INSYN2A: variants seen among roughly 807,000 people sequenced by gnomAD.
INSYN2A encodes the protein family with sequence similarity 196 member A.
In INSYN2A, 17 loss-of-function variants were observed where a neutral mutation model predicts 39.4. The ratio of observed to expected loss-of-function variants is 0.43; its 90% CI spans 0.30 to 0.65. The LOEUF is 0.65. Among genes scored for constraint, INSYN2A ranks in the 30% least tolerant of loss-of-function variants. The pLI is 0.14. For synonymous variants in INSYN2A, 255 were observed against 265.7 expected, an observed-to-expected ratio of 0.96 and a Z score of 0.39; for missense variants, 595 against 631.2, an observed-to-expected ratio of 0.94 and a Z score of 0.61.
intron 5 of INSYN2A, among the ~76,000 whole-genome samples, chr10:127,146,799 C>G (rs2051903708): frequency 6.6e-6 from 1 of 152,206 alleles, no homozygotes; most frequent in South Asian, 2.1e-4. Context: ...GCAGAGACTC[C>G]ACTCCAAGTG....
chr10:127,172,878 C>T (rs538719034), intron 4 of INSYN2A, among the ~76,000 whole-genome samples: 10 of 152,260 alleles, frequency 6.6e-5, no homozygotes, highest in Non-Finnish European at 1.2e-4. Context: ...GGAAATGTTC[C>T]GTAGCTGCAC....
intron 5 of INSYN2A, among the ~76,000 whole-genome samples, chr10:127,141,679 A>C (rs934539897): frequency 2.8e-4 from 42 of 149,652 alleles, no homozygotes; most frequent in African/African-American, 9.2e-4. Flanking sequence ...TTTAAAACAA[A>C]AAAAAAAAAA....
chr10:127,195,531 C>A lies in INSYN2A; in HGVS notation c.-395+466G>T, dbSNP rs185602266. ...CCCTCTGTTCCAACTCATCCCCCCC[C>A]CGAAGTTAATCAGCCGTACTTGTAC... On this transcript the variant is annotated intron_variant, in intron 1 of 5. Coordinates refer to ENST00000522781, the MANE Select transcript of INSYN2A (RefSeq NM_001039762.3). Among the ~76,000 whole-genome samples, 13 of 152,110 alleles carry A rather than the reference C, an allele frequency of 8.5e-5. No individual in the cohort carries two copies. The South Asian group carries it at 1.3e-3, about 15-fold the overall frequency.
intron 4 of INSYN2A, among the ~76,000 whole-genome samples, chr10:127,174,131 T>C (rs1009614103): frequency 2.0e-5 from 3 of 152,252 alleles, no homozygotes; most frequent in Admixed American, 6.5e-5. Flanking sequence ...CAGGTGGTTT[T>C]CTGTCCTGGA....
At chr10:127,195,811 C>T (rs1367183227) in intron 1 of INSYN2A, among the ~76,000 whole-genome samples, 186 bp downstream of exon 1, 1 of 152,152 alleles carries the variant, frequency 6.6e-6, no homozygotes, top group Non-Finnish European at 1.5e-5. Flanking sequence ...GCGACCGCAC[C>T]GGGTCCGCTC....
intron 2 of INSYN2A, among the ~76,000 whole-genome samples, chr10:127,181,485 C>A (rs1467910125): frequency 1.3e-5 from 2 of 152,138 alleles, no homozygotes; most frequent in Non-Finnish European, 2.9e-5. Flanking sequence ...GACCGAGACA[C>A]CTCCCAGGGC....
chr10:127,171,161 C>G (rs1408742465), intron 4 of INSYN2A, among the ~76,000 whole-genome samples: 1 of 152,156 alleles, frequency 6.6e-6, no homozygotes, highest in Non-Finnish European at 1.5e-5. Context: ...CATAAACATT[C>G]TCTGCCGAAG....
At chr10:127,151,571 G>A (rs1165342985) in intron 5 of INSYN2A, among the ~76,000 whole-genome samples, 2 of 152,134 alleles carry the variant, frequency 1.3e-5, no homozygotes, top group Non-Finnish European at 2.9e-5. Flanking sequence ...GTGACAGTCG[G>A]GTCTGCAGGC....
chr10:127,166,538 G>T (rs1026086219), intron 4 of INSYN2A, among the ~76,000 whole-genome samples: 2 of 152,148 alleles, frequency 1.3e-5, no homozygotes, highest in African/African-American at 4.8e-5. Context: ...CTTCCTCATG[G>T]AGGGCATTCC....
At chr10:127,188,207 C>A (rs2056454163) in intron 2 of INSYN2A, among the ~76,000 whole-genome samples, 1 of 152,136 alleles carries the variant, frequency 6.6e-6, no homozygotes, top group Non-Finnish European at 1.5e-5. Flanking sequence ...CTGGGCTGTG[C>A]TGTGCACAAA....
At chr10:127,142,176 G>T (rs2051324124) in intron 5 of INSYN2A, among the ~76,000 whole-genome samples, 1 of 152,214 alleles carries the variant, frequency 6.6e-6, no homozygotes, top group African/African-American at 2.4e-5. Flanking sequence ...CACGGTCCCA[G>T]GCCACCAGAC....
chr10:127,169,737 C>A (rs1436153891), intron 4 of INSYN2A, among the ~76,000 whole-genome samples: 1 of 152,174 alleles, frequency 6.6e-6, no homozygotes. Context: ...CATGTAGGAG[C>A]TGACCCTGAG....
At chr10:127,145,902 C>A in intron 5 of INSYN2A, 1 of 473,676 alleles carries the variant, frequency 2.1e-6, no homozygotes, top group East Asian at 5.9e-5. Context: ...GTCTAAACGT[C>A]AGCCTGTGCA....
At chr10:127,154,922 A>C (rs1223814293) in intron 4 of INSYN2A, among the ~76,000 whole-genome samples, 1 of 152,162 alleles carries the variant, frequency 6.6e-6, no homozygotes, top group Non-Finnish European at 1.5e-5. Flanking sequence ...GGAGTGTTTC[A>C]TGCCTTCACA....
At chr10:127,169,956 A>G (rs2054411616) in intron 4 of INSYN2A, among the ~76,000 whole-genome samples, 1 of 151,982 alleles carries the variant, frequency 6.6e-6, no homozygotes, top group South Asian at 2.1e-4. Flanking sequence ...ACACCACCGT[A>G]AGCGGCACCC....
In INSYN2A at chr10:127,196,334, C is replaced by G. The variant is rs2057145241; in HGVS notation, c.-732G>C. Among the ~76,000 whole-genome samples the G allele has an allele frequency of 6.7e-6, 1 of 148,848 alleles. No individual in the cohort carries two copies. The highest frequency in any genetic ancestry group is 2.0e-4 in the East Asian group (1 of 5,064). On this transcript the variant is annotated 5_prime_UTR_variant, in exon 1 of 6. Transcript: ENST00000522781. ...GGGGACGCCCGCGCGCTCGCTTGCT[C>G]GCGACGCGGCGGAGCCAGCCACAGC...
chr10:127,146,575 T>C (rs541869065), intron 5 of INSYN2A, among the ~76,000 whole-genome samples: 1 of 150,318 alleles, frequency 6.7e-6, no homozygotes, highest in East Asian at 1.9e-4. Flanking sequence ...ACATTGTGTA[T>C]GTAAGGTGTT....
chr10:127,145,775 A>G lies in INSYN2A; in HGVS notation c.1257-7755T>C, dbSNP rs12269359. On this transcript the variant is annotated intron_variant, in intron 5 of 5. Coordinates refer to ENST00000522781, the MANE Select transcript of INSYN2A (RefSeq NM_001039762.3). ...TTTCTAGATGTGGTCAGGAGCTCCC[A>G]CTCCATCCTGATACCCATTGAGAGC... The G allele has an allele frequency of 6.6e-3, 1,958 of 298,486 alleles. 11 individuals carry two copies. Among genetic ancestry groups the G allele is most frequent in the Admixed American group, 0.01 (212 of 20,390 alleles). 18.5% of individuals were successfully genotyped at this position (298,486 alleles called of 1,614,324 possible). A position where few individuals can be genotyped will look rare whatever the true frequency, so the allele number is the denominator to read the frequency against.
chr10:127,187,431 T>C (rs1180564943), intron 2 of INSYN2A, among the ~76,000 whole-genome samples: 1 of 152,188 alleles, frequency 6.6e-6, no homozygotes, highest in Non-Finnish European at 1.5e-5. Context: ...CATAAATCTT[T>C]CCAAAACCTC....
Sources: allele counts gnomAD v4.1 joint callset (sites outside exome capture counted in the v4.1 genomes callset), GRCh38; gene constraint gnomAD v4.1.1; transcripts MANE v1.5; gene names NCBI Gene and HGNC (gene_info 2026-07-23, HGNC 2026-07-21).